Variants in SPTBN1 observed in about 807,000 individuals in gnomAD.
SPTBN1 encodes spectrin beta chain, non-erythrocytic 1.
Under a neutral mutation model 266.4 loss-of-function variants are expected in SPTBN1, and 32 were observed. That is an observed-to-expected ratio of 0.12 (90% confidence interval 0.09 to 0.16). SPTBN1 has a LOEUF of 0.16. Ranked by LOEUF, SPTBN1 falls within the 10% of genes least tolerant of loss-of-function variation. The pLI is 1.00. For synonymous variants in SPTBN1, 1,336 were observed against 1,162.2 expected (o/e 1.15, Z -3.04); for missense variants, 2,296 against 3,067.1 (o/e 0.75, Z 5.94).
rs1406284632 is a variant in SPTBN1, at chr2:54,626,685, G to A, written c.1644+451G>A. On this transcript the variant is annotated intron_variant, in intron 12 of 35. Coordinates refer to ENST00000356805, the MANE Select transcript of SPTBN1 (RefSeq NM_003128.3). The surrounding 1 kb of genome is among the most constrained non-coding windows in gnomAD (Gnocchi z 4.7). ...ACCAGGCAGCCAGAGTTCTGATTGT[G>A]AGTGCCTGAGTTGCCTAATCCTCTT... Among the ~76,000 whole-genome samples the A allele has an allele frequency of 6.6e-6, 1 of 152,184 alleles. No homozygotes were observed. The highest frequency in any genetic ancestry group is 1.5e-5 in the Non-Finnish European group (1 of 68,022).
In SPTBN1 at chr2:54,668,788, A is replaced by ATT; in HGVS notation, c.*228_*229dup. 6 of 434,950 alleles carry ATT rather than the reference A, an allele frequency of 1.4e-5. No individual in the cohort carries two copies. The highest frequency in any genetic ancestry group is 5.2e-5 in the South Asian group (2 of 38,358). 26.9% of individuals were successfully genotyped at this position (434,950 alleles called of 1,614,324 possible). On this transcript the variant is annotated 3_prime_UTR_variant, in exon 36 of 36. Transcript: ENST00000356805. ...GTTTGAGGTGCAGAGGGAAGGCCAG[A>ATT]TTTTTTTTTTAATGAAATTATATAG... is the stretch of plus-strand genomic sequence containing the variant.
intron 1 of SPTBN1, among the ~76,000 whole-genome samples, chr2:54,461,377 T>A (rs1353722668): frequency 6.6e-6 from 1 of 152,222 alleles, no homozygotes; most frequent in African/African-American, 2.4e-5. Context: ...CCAGGTTTTT[T>A]TGCTATTGTG....
At chr2:54,513,434 G>A (rs1288051245) in intron 1 of SPTBN1, among the ~76,000 whole-genome samples, 1 of 152,170 alleles carries the variant, frequency 6.6e-6, no homozygotes, top group Non-Finnish European at 1.5e-5. Flanking sequence ...CAAATAAAAA[G>A]TGCTTTATTG....
intron 1 of SPTBN1, among the ~76,000 whole-genome samples, chr2:54,521,286 T>C (rs1670424826): frequency 6.6e-6 from 1 of 152,208 alleles, no homozygotes; most frequent in South Asian, 2.1e-4. Context: ...CCCTTGCTGC[T>C]GTTGAGTGCC....
At chr2:54,598,559 C>T (rs1676258560) in intron 2 of SPTBN1, among the ~76,000 whole-genome samples, 1 of 152,188 alleles carries the variant, frequency 6.6e-6, no homozygotes, top group Non-Finnish European at 1.5e-5. Context: ...GTTGCCCAAT[C>T]CTTTGTAGAT....
chr2:54,544,525 A>G (rs1439959471), intron 2 of SPTBN1, among the ~76,000 whole-genome samples: 5 of 152,180 alleles, frequency 3.3e-5, no homozygotes, highest in Non-Finnish European at 5.9e-5. Flanking sequence ...AGAATCAGAT[A>G]CTTTTACAGG....
Position 54,653,632 on chromosome 2 carries a change from A to C in SPTBN1, c.5601A>C (p.Ala1867=), listed in dbSNP as rs749433532. The C allele has an allele frequency of 3.1e-6, 5 of 1,613,656 alleles. No homozygotes were observed. In the African/African-American group the frequency reaches 6.7e-5, roughly 22 times the overall value. ...AGGTGAGGCAGCTGCAGGAGGATGCAGCCCGCCTCCAGGCGGCCTATGCGG... is the reference window on the plus strand; with the variant it reads ...AGGTGAGGCAGCTGCAGGAGGATGCCGCCCGCCTCCAGGCGGCCTATGCGG... ...GTQVRQLQED[A]ARLQAAYAGD... Residue 1867 remains alanine (A), a synonymous_variant, in exon 27 of 36, where the codon GCA becomes GCC. Coordinates refer to ENST00000356805, the MANE Select transcript of SPTBN1 (RefSeq NM_003128.3). The surrounding 1 kb of genome is among the most constrained non-coding windows in gnomAD (Gnocchi z 5.1).
chr2:54,668,300 C>T (rs1453438955), intron 35 of SPTBN1, 51 bp from the exon 36 acceptor site: 2 of 1,581,748 alleles, frequency 1.3e-6, no homozygotes, highest in Admixed American at 1.7e-5. Context: ...AGCCAGAACC[C>T]CTCATGCCTA....
Position 54,558,036 on chromosome 2 carries a change from C to T in SPTBN1, c.148+31470C>T. The T allele has an allele frequency of 1.0e-6, 1 of 985,436 alleles. No individual in the cohort carries two copies. The highest frequency in any genetic ancestry group is 1.2e-6 in the Non-Finnish European group (1 of 829,914). 61.0% of individuals were successfully genotyped at this position (985,436 alleles called of 1,614,324 possible). ...GGGACCCTTGGGGCTCTTCACTCTCCAGGCCGTCCCGTGGGCGCGCTAGCC... is the reference window on the plus strand; with the variant it reads ...GGGACCCTTGGGGCTCTTCACTCTCTAGGCCGTCCCGTGGGCGCGCTAGCC... On this transcript the variant is annotated intron_variant, in intron 2 of 35. Coordinates refer to ENST00000356805, the MANE Select transcript of SPTBN1 (RefSeq NM_003128.3). The surrounding 1 kb of genome is among the most constrained non-coding windows in gnomAD (Gnocchi z 4.6).
At chr2:54,608,659 T>C (rs1677009857) in intron 3 of SPTBN1, among the ~76,000 whole-genome samples, 1 of 151,840 alleles carries the variant, frequency 6.6e-6, no homozygotes, top group African/African-American at 2.4e-5. Flanking sequence ...GTACAACAGA[T>C]AATAGAAACC....
intron 1 of SPTBN1, among the ~76,000 whole-genome samples, chr2:54,468,327 AT>A (rs1262055731): frequency 6.9e-6 from 1 of 144,748 alleles, no homozygotes; most frequent in Non-Finnish European, 1.5e-5. Flanking sequence ...AAATAAAAAA[AT>A]AAAAAATAAA....
intron 1 of SPTBN1, among the ~76,000 whole-genome samples, chr2:54,515,022 A>C (rs563509086): frequency 1.2e-4 from 19 of 152,300 alleles, no homozygotes. Flanking sequence ...AACCTCCCCA[A>C]ATGGTTCCTG....
chr2:54,477,255 A>C (rs1208837796), intron 1 of SPTBN1, among the ~76,000 whole-genome samples: 1 of 152,308 alleles, frequency 6.6e-6, no homozygotes, highest in East Asian at 1.9e-4. Flanking sequence ...GGAAGTTTTC[A>C]CTTAAAATGG....
intron 19 of SPTBN1, among the ~76,000 whole-genome samples, 169 bp downstream of exon 19, chr2:54,643,298 A>T (rs1289343582): frequency 6.6e-6 from 1 of 152,210 alleles, no homozygotes; most frequent in Non-Finnish European, 1.5e-5. Flanking sequence ...ACTTCAACCC[A>T]TCAAAAGGGA....
At chr2:54,616,091 G>T in intron 4 of SPTBN1, 116 bp from the exon 5 acceptor site, 1 of 773,162 alleles carries the variant, frequency 1.3e-6, no homozygotes, top group African/African-American at 1.8e-5. Flanking sequence ...TAGATCGTCT[G>T]CAGGGCAAGG....
At chr2:54,485,305 C>T (rs572560403) in intron 1 of SPTBN1, among the ~76,000 whole-genome samples, 2 of 152,198 alleles carry the variant, frequency 1.3e-5, no homozygotes, top group Admixed American at 6.5e-5. Flanking sequence ...ATTCTCCTGC[C>T]TCAGCCTGCC....
chr2:54,657,508 C>T (rs866634546), intron 29 of SPTBN1, among the ~76,000 whole-genome samples: 3 of 152,164 alleles, frequency 2.0e-5, no homozygotes, highest in Middle Eastern at 3.2e-3. Context: ...CCGTAAAATG[C>T]ACATCAGATT....
rs944921391 is a variant in SPTBN1 at position 54,563,829 on chromosome 2, C to T, written c.149-35263C>T. 2.0e-4 allele frequency among the ~76,000 whole-genome samples: 31 copies of T among 152,170 alleles called. 1 individual carries two copies. Among genetic ancestry groups the T allele is most frequent in the Admixed American group, 7.9e-4 (12 of 15,284 alleles). ...ATATTGGCCAGGCTGGTCTCGAACT[C>T]CTGACCTTGTGATCTGCCTGCCTTG... is the stretch of plus-strand genomic sequence containing the variant. On this transcript the variant is annotated intron_variant, in intron 2 of 35. Transcript: ENST00000356805.
intron 2 of SPTBN1, among the ~76,000 whole-genome samples, chr2:54,573,868 T>G (rs934911019): frequency 6.6e-6 from 1 of 152,166 alleles, no homozygotes; most frequent in Admixed American, 6.5e-5. Flanking sequence ...GATCCTGTTT[T>G]TCTAATGGGA....
Sources: allele counts gnomAD v4.1 joint callset (sites outside exome capture counted in the v4.1 genomes callset), GRCh38; gene constraint gnomAD v4.1.1; non-coding constraint Gnocchi (gnomAD v3.1); transcripts MANE v1.5; gene names NCBI Gene and HGNC (gene_info 2026-07-23, HGNC 2026-07-21).